The following SPG11 variants were observed in gnomAD, a reference collection of about 807,000 sequenced individuals.
SPG11 encodes SPG11 vesicle trafficking associated, spatacsin, also known as spatacsin.
In SPG11, 222 loss-of-function variants were observed where a neutral mutation model predicts 274.0. That is an observed-to-expected ratio of 0.81 (90% CI 0.73 to 0.91). The LOEUF (loss-of-function observed/expected upper bound fraction) is 0.91, where lower values mean the gene tolerates loss of function less well. Ranked by LOEUF, SPG11 falls within the 40% of genes least tolerant of loss-of-function variation. SPG11 has a pLI of 0.00. For missense variants in SPG11, 3,114 were observed against 2,872.7 expected (o/e 1.08, Z -1.92); for synonymous variants, 1,144 against 1,039.7 (o/e 1.10, Z -1.93).
intron 29 of SPG11, 86 bp downstream of exon 29, chr15:44,585,550 G>A (rs933324539): frequency 2.1e-5 from 23 of 1,100,094 alleles, no homozygotes; most frequent in Middle Eastern, 2.9e-4. Context: ...TGCAGCGAGC[G>A]GAGATCGCGC....
In SPG11 at chr15:44,565,862, A is replaced by G; in HGVS notation, c.6991T>C (p.Phe2331Leu). 1 of 1,614,094 alleles carries G rather than the reference A, an allele frequency of 6.2e-7. No individual in the cohort carries two copies. The highest frequency in any genetic ancestry group is 8.5e-7 in the Non-Finnish European group (1 of 1,180,028). ...TTTGCTTTCTTGCTCACCTGGTAGA[A>G]CCGAGGTAGGGCCAGAATACAGTCC... ...LMDCILALPR[F>L]YQASIVAEAY... Residue 2331 changes from phenylalanine to leucine, a missense_variant, in exon 38 of 40, where the codon TTC (phenylalanine) becomes CTC (leucine). Transcript: ENST00000261866.
chr15:44,599,325 G>A (rs1346239051), intron 21 of SPG11, among the ~76,000 whole-genome samples: 1 of 152,062 alleles, frequency 6.6e-6, no homozygotes, highest in Non-Finnish European at 1.5e-5. Flanking sequence ...TTGAGATGGA[G>A]TCTCGTTTTG....
chr15:44,582,696 G>T (rs1457208888), intron 30 of SPG11, among the ~76,000 whole-genome samples: 1 of 151,926 alleles, frequency 6.6e-6, no homozygotes, highest in East Asian at 1.9e-4. Flanking sequence ...ATGTAAATGG[G>T]GAATTCAAGG....
At chr15:44,635,171 A>T (rs2084201483) in intron 7 of SPG11, among the ~76,000 whole-genome samples, 1 of 152,126 alleles carries the variant, frequency 6.6e-6, no homozygotes, top group Non-Finnish European at 1.5e-5. Context: ...AGCCAAGATC[A>T]TACCACTGCA....
intron 34 of SPG11, among the ~76,000 whole-genome samples, chr15:44,570,016 C>T (rs919576067): frequency 7.9e-5 from 12 of 152,258 alleles, no homozygotes; most frequent in African/African-American, 2.6e-4. Flanking sequence ...CTTTGCTGTC[C>T]TTAAATGTGA....
At chr15:44,639,040 G>C (rs1050835500) in intron 7 of SPG11, among the ~76,000 whole-genome samples, 2 of 151,456 alleles carry the variant, frequency 1.3e-5, no homozygotes, top group Admixed American at 1.3e-4. Context: ...TTGTTAAACT[G>C]TATCCTGCGT....
intron 11 of SPG11, among the ~76,000 whole-genome samples, chr15:44,625,591 G>C (rs1242466023): frequency 6.6e-6 from 1 of 152,080 alleles, no homozygotes; most frequent in Non-Finnish European, 1.5e-5. Context: ...GGCCTCCCCA[G>C]CCATGCTTCT....
chr15:44,637,574 A>G (rs1359961217), intron 7 of SPG11, among the ~76,000 whole-genome samples: 1 of 152,210 alleles, frequency 6.6e-6, no homozygotes, highest in African/African-American at 2.4e-5. Context: ...TCGGCCTCCC[A>G]AAGTGGATTA....
At chr15:44,660,325 C>A in intron 2 of SPG11, 107 bp downstream of exon 2, 1 of 957,816 alleles carries the variant, frequency 1.0e-6, no homozygotes, top group Non-Finnish European at 1.7e-6. Flanking sequence ...ACTACTATAT[C>A]AGACAGCGTA....
chr15:44,625,082 C>G (rs1889229540), intron 11 of SPG11, among the ~76,000 whole-genome samples: 1 of 148,054 alleles, frequency 6.8e-6, no homozygotes, highest in Non-Finnish European at 1.5e-5. Context: ...TTTTGTGAGC[C>G]AAGATCGCAC....
intron 26 of SPG11, among the ~76,000 whole-genome samples, chr15:44,594,771 A>G (rs773515118): frequency 3.9e-5 from 6 of 152,098 alleles, no homozygotes; most frequent in African/African-American, 7.2e-5. Flanking sequence ...CCCTGTCTCA[A>G]AAAACAAAAT....
intron 27 of SPG11, chr15:44,590,607 T>C (rs1169969288): frequency 6.6e-6 from 1 of 152,206 alleles, no homozygotes; most frequent in Non-Finnish European, 1.5e-5. Context: ...TCCTGATTTT[T>C]ACTTTGGTTC....
Position 44,596,116 on chromosome 15 carries a change from G to A in SPG11, c.4401C>T (p.Ala1467=), listed in dbSNP as rs1266766497. 1 of 1,613,812 alleles carries A rather than the reference G, an allele frequency of 6.2e-7. No homozygotes were observed. Among genetic ancestry groups the A allele is most frequent in the Non-Finnish European group, 8.5e-7 (1 of 1,180,026 alleles). Residue 1467 remains alanine, a synonymous_variant, in exon 25 of 40, where the codon GCC becomes GCT. Transcript: ENST00000261866. ...ATGAGGCCAGAACACTGAGGATAGG[G>A]GCCTGTTGTTTCACTGCTTCAACCA... ...WLLVEAVKQQ[A]PILSVLASCL... is the part of the protein sequence containing the mutation.
chr15:44,646,651 A>G (rs906328712), intron 7 of SPG11, among the ~76,000 whole-genome samples: 4 of 152,222 alleles, frequency 2.6e-5, no homozygotes, highest in African/African-American at 9.7e-5. Flanking sequence ...CAGCCATAAA[A>G]AAGAGCGAGG....
intron 26 of SPG11, 103 bp from the exon 27 acceptor site, chr15:44,592,541 G>A (rs1359884355): frequency 1.3e-6 from 1 of 759,226 alleles, no homozygotes; most frequent in East Asian, 2.7e-5. Context: ...TAATAAGGCA[G>A]GGCACAGTGG....
chr15:44,595,041 T>C (rs897976328), intron 26 of SPG11, among the ~76,000 whole-genome samples: 7 of 152,180 alleles, frequency 4.6e-5, no homozygotes, highest in Non-Finnish European at 1.0e-4. Context: ...GGTCTCAAAC[T>C]CCTGACCTCA....
chr15:44,595,487 T>C (rs768491260), intron 25 of SPG11, 28 bp from the exon 26 acceptor site: 1 of 1,605,730 alleles, frequency 6.2e-7, no homozygotes, highest in Non-Finnish European at 8.5e-7. Flanking sequence ...AAATAACAAC[T>C]AGGCCTGGAT....
rs537805731 is a variant in SPG11 at position 44,620,777 on chromosome 15, C to T, written c.2621-374G>A. The T allele has an allele frequency of 1.2e-3, 217 of 176,654 alleles. 2 individuals are homozygous for T. The highest frequency in any genetic ancestry group is 3.8e-3 in the Admixed American group (67 of 17,652). The allele number at this position is 176,654 out of a possible 1,614,324, so 10.9% of individuals were successfully genotyped here. ...GCAGTGGCGCAATCTTGGCTCACTG[C>T]AACCTCTGCCTCCCAGGTTCAAGCG... On this transcript the variant is annotated intron_variant, in intron 14 of 39. Transcript: ENST00000261866.
In SPG11 at chr15:44,565,953, CAG is replaced by C. The variant is rs312262786; in HGVS notation, c.6898_6899del (p.Leu2300AlafsTer39). ...HCQRLTKLIT[L>X]QIHFLNTGQN... ...GGCCAGTGTTCAGAAAGTGAATCTG[CAG>C]AGTTATCAACTTGGTGAGCCGCTGA... is the stretch of plus-strand genomic sequence containing the variant. On this transcript the variant is annotated frameshift_variant, in exon 38 of 40. Coordinates refer to ENST00000261866, the MANE Select transcript of SPG11 (RefSeq NM_025137.4). LOFTEE classifies it high-confidence loss of function. 5.6e-6 allele frequency: 9 copies of C among 1,613,968 alleles called. No homozygotes were observed. Among genetic ancestry groups the C allele is most frequent in the Middle Eastern group, 1.7e-4 (1 of 6,026 alleles).
Sources: gnomAD v4.1 joint callset for allele counts (sites outside exome capture counted in the v4.1 genomes callset) on GRCh38, gnomAD v4.1.1 for gene constraint, MANE v1.5 for transcripts, NCBI Gene and HGNC (gene_info 2026-07-23, HGNC 2026-07-21) for gene names.